The following CTF1 variants were observed in gnomAD, a reference collection of about 807,000 sequenced individuals.
CTF1 encodes cardiotrophin-1.
A neutral mutation model predicts 10.9 loss-of-function variants in CTF1; 9 were observed. The ratio of observed to expected loss-of-function variants is 0.83; its 90% CI spans 0.50 to 1.44. The LOEUF is 1.44. CTF1 is among the 40% of genes most tolerant of loss of function. CTF1 has a pLI of 0.00. For synonymous variants in CTF1, 133 were observed against 138.8 expected, an observed-to-expected ratio of 0.96 and a Z score of 0.29; for missense variants, 259 against 275.3, an observed-to-expected ratio of 0.94 and a Z score of 0.42.
intron 1 of CTF1, among the ~76,000 whole-genome samples, chr16:30,898,038 T>C (rs1475852166): frequency 1.3e-5 from 2 of 150,590 alleles, no homozygotes; most frequent in African/African-American, 4.9e-5. Flanking sequence ...TTTTTTTGTA[T>C]TTTTAGTAGA....
chr16:30,903,029 A>G lies in CTF1; in HGVS notation c.*490A>G, dbSNP rs1192139395. The G allele has an allele frequency of 6.5e-6, 1 of 152,818 alleles. No homozygotes were observed. The highest frequency in any genetic ancestry group is 1.5e-5 in the Non-Finnish European group (1 of 68,394). 9.5% of individuals were successfully genotyped at this position (152,818 alleles called of 1,614,324 possible). The stretch of plus-strand genomic sequence containing the variant: ...TAACTCTTGGACCCTCCTCGTCTGC[A>G]TGGTAACTCCGTCTGAGTCTACCAT... On this transcript the variant is annotated 3_prime_UTR_variant, in exon 3 of 3. Transcript: ENST00000279804.
chr16:30,901,808 C>A (rs964457849), intron 2 of CTF1, among the ~76,000 whole-genome samples: 5 of 150,528 alleles, frequency 3.3e-5, no homozygotes, highest in African/African-American at 1.2e-4. Context: ...GGTCTCGAAC[C>A]CCTGGGCTCA....
At chr16:30,899,276 G>A in intron 1 of CTF1, 139 bp from the exon 2 acceptor site, 1 of 774,408 alleles carries the variant, frequency 1.3e-6, no homozygotes, top group East Asian at 2.4e-5. Flanking sequence ...CCACCTGCTT[G>A]ACAAAGTTCT....
chr16:30,899,607 C>G (rs1348454411), intron 2 of CTF1, 74 bp downstream of exon 2: 4 of 890,314 alleles, frequency 4.5e-6, no homozygotes, highest in Non-Finnish European at 5.3e-6. Context: ...CCTCGATCAC[C>G]CATTCTCTCA....
At chr16:30,899,970 C>G (rs2055387901) in intron 2 of CTF1, among the ~76,000 whole-genome samples, 1 of 152,142 alleles carries the variant, frequency 6.6e-6, no homozygotes, top group Non-Finnish European at 1.5e-5. Flanking sequence ...CCAGGCTGGT[C>G]TTGAACTCCT....
At position 30,897,469 on chromosome 16, in the gene CTF1, G is replaced by A. The variant is rs923308815; in HGVS notation, c.25+801G>A. 3.9e-5 allele frequency among the ~76,000 whole-genome samples: 6 copies of A among 152,298 alleles called. No individual in the cohort carries two copies. In the East Asian group the frequency reaches 9.7e-4, roughly 25 times the overall value. On this transcript the variant is annotated intron_variant, in intron 1 of 2. Transcript: ENST00000279804. ...GGCTAAGGCAGATACACACAGAAAA[G>A]CCGTTAAAAGAGCTACCCTGGAACT...
intron 1 of CTF1, among the ~76,000 whole-genome samples, chr16:30,896,929 G>A (rs1266383415): frequency 1.3e-5 from 2 of 152,166 alleles, no homozygotes; most frequent in African/African-American, 4.8e-5. Flanking sequence ...AGTACACCCA[G>A]GGGGAGGACT....
At chr16:30,899,912 T>G (rs2055387380) in intron 2 of CTF1, among the ~76,000 whole-genome samples, 2 of 152,166 alleles carry the variant, frequency 1.3e-5, no homozygotes, top group South Asian at 4.1e-4. Context: ...CCATCATGCC[T>G]GGGTAATTTT....
intron 2 of CTF1, among the ~76,000 whole-genome samples, chr16:30,900,360 G>A (rs918585590): frequency 2.0e-5 from 3 of 152,194 alleles, no homozygotes; most frequent in African/African-American, 4.8e-5. Flanking sequence ...CTTTGAATCA[G>A]ACTGCAGGCC....
chr16:30,901,707 C>G (rs1303685626), intron 2 of CTF1, among the ~76,000 whole-genome samples: 2 of 149,530 alleles, frequency 1.3e-5, no homozygotes, highest in Non-Finnish European at 3.0e-5. Flanking sequence ...GCCTCCGGAA[C>G]AGCTGGAACT....
intron 1 of CTF1, 95 bp from the exon 2 acceptor site, chr16:30,899,320 G>T: frequency 1.2e-6 from 1 of 838,580 alleles, no homozygotes; most frequent in South Asian, 1.3e-5. Context: ...GAATGGGACA[G>T]ACCCTGATGG....
intron 1 of CTF1, among the ~76,000 whole-genome samples, chr16:30,897,335 G>A (rs2055361841): frequency 1.3e-5 from 2 of 152,156 alleles, no homozygotes; most frequent in Admixed American, 1.3e-4. Flanking sequence ...TCTGTAAAAT[G>A]GGCCTTCAAG....
Position 30,896,669 on chromosome 16 carries a change from G to A in CTF1, c.25+1G>A. Reference sequence around the variant, plus strand: ...ATGAGCCGGAGGGAGGGAAGTCTGGGTAAGGGGCTGAGGGACCGGACGCCG... The same window carrying A: ...ATGAGCCGGAGGGAGGGAAGTCTGGATAAGGGGCTGAGGGACCGGACGCCG... On this transcript the variant is annotated splice_donor_variant, in intron 1 of 2. Transcript: ENST00000279804. LOFTEE classifies it high-confidence loss of function. 1 of 1,253,386 alleles carries A rather than the reference G, an allele frequency of 8.0e-7. No individual in the cohort carries two copies. The highest frequency in any genetic ancestry group is 1.0e-6 in the Non-Finnish European group (1 of 990,372). The allele number at this position is 1,253,386 out of a possible 1,614,324, so 77.6% of individuals were successfully genotyped here. A position where few individuals can be genotyped will look rare whatever the true frequency, so the allele number is the denominator to read the frequency against.
intron 1 of CTF1, among the ~76,000 whole-genome samples, chr16:30,898,226 A>C (rs2143229274): frequency 6.8e-6 from 1 of 146,648 alleles, no homozygotes; most frequent in African/African-American, 2.5e-5. Context: ...CAGTGACCTG[A>C]TCTCAGCTCA....
At chr16:30,895,847 C>T (rs2055342528), upstream of CTF1, among the ~76,000 whole-genome samples, 1 of 152,112 alleles carries the variant, frequency 6.6e-6, no homozygotes, top group Non-Finnish European at 1.5e-5. Flanking sequence ...CACGCAAGCG[C>T]ACACACACAC....
At chr16:30,898,693 T>G (rs113194358) in intron 1 of CTF1, among the ~76,000 whole-genome samples, 7 of 152,246 alleles carry the variant, frequency 4.6e-5, no homozygotes, top group African/African-American at 1.7e-4. Flanking sequence ...GGTCTTACTC[T>G]GTTGCCCAGG....
intron 2 of CTF1, among the ~76,000 whole-genome samples, chr16:30,901,600 G>T (rs2055400449): frequency 6.6e-6 from 1 of 151,940 alleles, no homozygotes; most frequent in South Asian, 2.1e-4. Context: ...ATTGAGACAG[G>T]GTCTGACTCT....
Position 30,902,261 on chromosome 16 carries a change from G to A in CTF1, c.328G>A (p.Glu110Lys), listed in dbSNP as rs1391759634. The part of the protein sequence containing the change: ...LLDAVCRRQA[E>K]LNPRAPRLLR... Reference sequence around the variant, plus strand: ...GGACGCAGTGTGTCGCCGCCAGGCCGAGCTGAACCCGCGCGCGCCGCGCCT... The same window carrying A: ...GGACGCAGTGTGTCGCCGCCAGGCCAAGCTGAACCCGCGCGCGCCGCGCCT... The change falls in exon 3 of 3, where the codon GAG becomes AAG. Residue 110 changes from glutamate (E) to lysine (K), a missense_variant. Coordinates refer to ENST00000279804, the MANE Select transcript of CTF1 (RefSeq NM_001330.5). 1.3e-5 allele frequency: 14 copies of A among 1,082,780 alleles called. No homozygotes were observed. The highest frequency in any genetic ancestry group is 5.1e-5 in the Admixed American group (1 of 19,528). 67.1% of individuals were successfully genotyped at this position (1,082,780 alleles called of 1,614,324 possible).
chr16:30,897,522 G>A (rs1263860747), intron 1 of CTF1, among the ~76,000 whole-genome samples: 1 of 152,152 alleles, frequency 6.6e-6, no homozygotes, highest in Non-Finnish European at 1.5e-5. Flanking sequence ...GTCAAAGGAA[G>A]GAGTTCGTTT....
Sources: gnomAD v4.1 joint callset for allele counts (sites outside exome capture counted in the v4.1 genomes callset) on GRCh38, gnomAD v4.1.1 for gene constraint, MANE v1.5 for transcripts, NCBI Gene and HGNC (gene_info 2026-07-23, HGNC 2026-07-21) for gene names.